AFDN: variants seen among roughly 807,000 people sequenced by gnomAD.
The protein encoded by AFDN is afadin.
Under a neutral mutation model 216.6 loss-of-function variants are expected in AFDN, and 68 were observed. The observed-to-expected ratio is 0.31, with a 90% confidence interval of 0.26 to 0.38. The LOEUF is 0.38. Among genes scored for constraint, AFDN ranks in the 10% least tolerant of loss-of-function variants. The probability of loss-of-function intolerance (pLI) is 1.00; values close to 1 mark genes in which losing one functional copy is unlikely to be tolerated. For missense variants in AFDN, 2,136 were observed against 2,342.0 expected, an observed-to-expected ratio of 0.91 and a Z score of 1.82; for synonymous variants, 868 against 853.7, an observed-to-expected ratio of 1.02 and a Z score of -0.29.
rs920482471 is a variant in AFDN at position 167,912,602 on chromosome 6, A to G, written c.2038-801A>G. Among the ~76,000 whole-genome samples, 5 of 152,324 alleles carry G rather than the reference A, an allele frequency of 3.3e-5. No individual in the cohort carries two copies. In the East Asian group the frequency reaches 9.6e-4, roughly 29 times the overall value. ...GTTACTTTCATGTCATTATTTTATA[A>G]ACAAACATGGATTTCCTTTTCAGTT... is the stretch of plus-strand genomic sequence containing the variant. On this transcript the variant is annotated intron_variant, in intron 15 of 33. Coordinates refer to ENST00000683244, the MANE Select transcript of AFDN (RefSeq NM_001386888.1).
At chr6:167,948,228 T>C (rs1351198670) in intron 28 of AFDN, 65 bp from the exon 29 acceptor site, 2 of 1,389,330 alleles carry the variant, frequency 1.4e-6, no homozygotes, top group East Asian at 2.3e-5. Flanking sequence ...AAACAGATCA[T>C]TGAAAATCAA....
At chr6:167,911,770 T>G in intron 15 of AFDN, 1 of 420,646 alleles carries the variant, frequency 2.4e-6, no homozygotes, top group Non-Finnish European at 4.4e-6. Flanking sequence ...TTGTAGAATT[T>G]TTTCTGTAAA....
At chr6:167,954,229 A>C (rs1390340150) in intron 30 of AFDN, among the ~76,000 whole-genome samples, 1 of 152,088 alleles carries the variant, frequency 6.6e-6, no homozygotes, top group Non-Finnish European at 1.5e-5. Context: ...GCTGTTTTTT[A>C]TTTTCTATGT....
At chr6:167,945,773 G>A (rs1424246121) in intron 26 of AFDN, among the ~76,000 whole-genome samples, 1 of 152,162 alleles carries the variant, frequency 6.6e-6, no homozygotes, top group African/African-American at 2.4e-5. Flanking sequence ...TTCTGGAACT[G>A]TGGTTTTACA....
chr6:167,894,150 C>A (rs1192660374), intron 9 of AFDN, among the ~76,000 whole-genome samples: 1 of 152,040 alleles, frequency 6.6e-6, no homozygotes, highest in Non-Finnish European at 1.5e-5. Context: ...TGGGAAGGAA[C>A]TGAAGGCAAA....
intron 30 of AFDN, among the ~76,000 whole-genome samples, chr6:167,956,946 T>A (rs912842946): frequency 6.6e-6 from 1 of 152,208 alleles, no homozygotes. Flanking sequence ...CTCACGAGAA[T>A]GTCCTCACAG....
chr6:167,965,820 G>GCGGCGCGCAGGTTGCTGGAGCC lies in AFDN; in HGVS notation c.5035_5056dup (p.Glu1686GlyfsTer64). ...CGAGAGGCGCAGACAGCACGACGAGGCGGCGCGCAGGTTGCTGGAGCCCGA... is the reference window on the plus strand; with the variant it reads ...CGAGAGGCGCAGACAGCACGACGAGGCGGCGCGCAGGTTGCTGGAGCCCGGCGCGCAGGTTGCTGGAGCCCGA... On this transcript the variant is annotated frameshift_variant, in exon 32 of 34. Coordinates refer to ENST00000683244, the MANE Select transcript of AFDN (RefSeq NM_001386888.1). LOFTEE classifies it high-confidence loss of function. 3 of 1,560,618 alleles carry GCGGCGCGCAGGTTGCTGGAGCC rather than the reference G, an allele frequency of 1.9e-6. No individual in the cohort carries two copies. Among genetic ancestry groups the GCGGCGCGCAGGTTGCTGGAGCC allele is most frequent in the Non-Finnish European group, 2.6e-6 (3 of 1,152,900 alleles).
Position 167,849,445 on chromosome 6 carries a change from A to G in AFDN, c.106-15106A>G, listed in dbSNP as rs553521095. Among the ~76,000 whole-genome samples the G allele has an allele frequency of 1.2e-3, 127 of 106,532 alleles. 2 individuals are homozygous for G. The highest frequency in any genetic ancestry group is 4.2e-3 in the African/African-American group (122 of 29,286). 69.9% of individuals were successfully genotyped at this position (106,532 alleles called of 152,430 possible). A position where few individuals can be genotyped will look rare whatever the true frequency, so the allele number is the denominator to read the frequency against. On this transcript the variant is annotated intron_variant, in intron 1 of 33. Coordinates refer to ENST00000683244, the MANE Select transcript of AFDN (RefSeq NM_001386888.1). ...GCTAGAAATGATAGTACCTTCTTCA[A>G]AAGTATCCTTATATGAGATTTTTTT...
rs952581591 is a variant in AFDN at position 167,918,803 on chromosome 6, G to A, written c.2778G>A (p.Arg926=). ...ATGAGCTGGCCCGCAGTGATGGAAG[G>A]GAAGTGCAGTTGGAGGAGGATCCTG... ...TADELARSDG[R]EVQLEEDPDL... Residue 926 remains arginine, a synonymous_variant, in exon 21 of 34, where the codon AGG becomes AGA. Coordinates refer to ENST00000683244, the MANE Select transcript of AFDN (RefSeq NM_001386888.1). 6.2e-7 allele frequency: 1 copy of A among 1,613,212 alleles called. No homozygotes were observed. The highest frequency in any genetic ancestry group is 8.5e-7 in the Non-Finnish European group (1 of 1,179,498).
At chr6:167,832,114 A>T (rs1779893351) in intron 1 of AFDN, among the ~76,000 whole-genome samples, 1 of 152,176 alleles carries the variant, frequency 6.6e-6, no homozygotes, top group Non-Finnish European at 1.5e-5. Context: ...ATACCCATTC[A>T]CCTTGTAGAT....
At position 167,943,123 on chromosome 6, in the gene AFDN, C is replaced by G. The variant is rs1427957672; in HGVS notation, c.3100-6C>G. 5.0e-6 allele frequency: 8 copies of G among 1,612,010 alleles called. No individual in the cohort carries two copies. Among genetic ancestry groups the G allele is most frequent in the African/African-American group, 1.3e-5 (1 of 74,796 alleles). On this transcript the variant is annotated splice_polypyrimidine_tract_variant and splice_region_variant and intron_variant, in intron 23 of 33. Coordinates refer to ENST00000683244, the MANE Select transcript of AFDN (RefSeq NM_001386888.1). ...ATGCAGTGTTTTCGCCTTGTTTTTG[C>G]AATAGGGTGCTGGTCAAGATAAACT... is the stretch of plus-strand genomic sequence containing the variant.
Position 167,946,821 on chromosome 6 carries a change from A to T in AFDN, c.3473A>T (p.Tyr1158Phe). 6.2e-7 allele frequency: 1 copy of T among 1,613,230 alleles called. No individual in the cohort carries two copies. Among genetic ancestry groups the T allele is most frequent in the African/African-American group, 1.3e-5 (1 of 75,000 alleles). Reference protein sequence around the residue: ...PESPQLPWAEYSEPKKLPGDD... With the variant: ...PESPQLPWAEFSEPKKLPGDD... ...AGTCCTCAGCTGCCTTGGGCAGAAT[A>T]TAGTGAACCAAAGAAATTGCCTGGT... is the stretch of plus-strand genomic sequence containing the variant. The change falls in exon 27 of 34, where the codon TAT becomes TTT. Residue 1158 changes from tyrosine (Y) to phenylalanine (F), a missense_variant. By Grantham distance (22) the Tyr-to-Phe change is conservative. Transcript: ENST00000683244.
At chr6:167,880,303 A>G (rs774881922) in intron 5 of AFDN, 57 bp from the exon 6 acceptor site, 36 of 1,517,176 alleles carry the variant, frequency 2.4e-5, no homozygotes, top group Middle Eastern at 3.5e-4. Flanking sequence ...AATGTTAGCT[A>G]TCTCTGTTAC....
intron 12 of AFDN, among the ~76,000 whole-genome samples, chr6:167,904,804 G>A (rs1056332726): frequency 6.6e-6 from 1 of 152,126 alleles, no homozygotes; most frequent in Non-Finnish European, 1.5e-5. Flanking sequence ...GGCCCCAAGA[G>A]CAGCCTCTTC....
intron 6 of AFDN, among the ~76,000 whole-genome samples, chr6:167,881,862 A>G (rs1015572159): frequency 6.6e-6 from 1 of 152,238 alleles, no homozygotes; most frequent in East Asian, 1.9e-4. Context: ...ACTTGTTGAA[A>G]GAAAGATCTG....
intron 6 of AFDN, among the ~76,000 whole-genome samples, chr6:167,888,848 A>G (rs979405168): frequency 1.3e-5 from 2 of 152,224 alleles, no homozygotes; most frequent in African/African-American, 4.8e-5. Context: ...TTTGAATGTG[A>G]AAAGGTGGGT....
At chr6:167,924,618 T>C (rs889025700) in intron 22 of AFDN, among the ~76,000 whole-genome samples, 1 of 152,220 alleles carries the variant, frequency 6.6e-6, no homozygotes, top group African/African-American at 2.4e-5. Context: ...AAGTTTACAT[T>C]TCTTCTTTGA....
chr6:167,941,822 G>C (rs1794723593), intron 23 of AFDN, among the ~76,000 whole-genome samples: 1 of 152,070 alleles, frequency 6.6e-6, no homozygotes, highest in Non-Finnish European at 1.5e-5. Context: ...GACACAGAGG[G>C]ATGACGAGGT....
At chr6:167,872,102 A>C in intron 3 of AFDN, 112 bp from the exon 4 acceptor site, 4 of 983,386 alleles carry the variant, frequency 4.1e-6, no homozygotes, top group Non-Finnish European at 6.1e-6. Context: ...CCTGTGTTTC[A>C]GTAGCTTTGT....
Sources: gnomAD v4.1 joint callset for allele counts (sites outside exome capture counted in the v4.1 genomes callset) on GRCh38, gnomAD v4.1.1 for gene constraint, MANE v1.5 for transcripts, NCBI Gene and HGNC (gene_info 2026-07-23, HGNC 2026-07-21) for gene names.